The following PAX5 variants were observed in gnomAD, a reference collection of about 807,000 sequenced individuals.
The protein encoded by PAX5 is paired box 5.
Under a neutral mutation model 43.7 loss-of-function variants are expected in PAX5, and 9 were observed. The ratio of observed to expected loss-of-function variants is 0.21; its 90% CI spans 0.12 to 0.36. The LOEUF is 0.36. Among genes scored for constraint, PAX5 ranks in the 10% least tolerant of loss-of-function variants. PAX5 has a pLI of 1.00. For synonymous variants in PAX5, 228 were observed against 214.3 expected, an observed-to-expected ratio of 1.06 and a Z score of -0.56; for missense variants, 383 against 532.7, an observed-to-expected ratio of 0.72 and a Z score of 2.77.
chr9:37,026,620 G>T, intron 1 of PAX5: 1 of 1,351,530 alleles, frequency 7.4e-7, no homozygotes, highest in Non-Finnish European at 9.7e-7. Context: ...CCGCCTCCCG[G>T]CGCCAAGGGG....
At chr9:37,030,858 C>G (rs1391252932) in intron 1 of PAX5, among the ~76,000 whole-genome samples, 1 of 152,218 alleles carries the variant, frequency 6.6e-6, no homozygotes, top group Non-Finnish European at 1.5e-5. Context: ...CAGCCCATTT[C>G]CCTGTTCTTG....
intron 5 of PAX5, among the ~76,000 whole-genome samples, chr9:36,971,746 C>T (rs373019927): frequency 1.8e-4 from 27 of 152,290 alleles, no homozygotes; most frequent in African/African-American, 6.3e-4. Flanking sequence ...CAGGAAGCCC[C>T]GTCTCGGGGA....
chr9:36,846,419 T>C (rs78232477), intron 9 of PAX5, among the ~76,000 whole-genome samples: 3,657 of 152,296 alleles, frequency 0.024, 60 homozygotes, highest in Middle Eastern at 0.041. Context: ...AGGGTCTTTA[T>C]CAAGGTGGTC....
In PAX5 at chr9:36,876,027, G is replaced by A. The variant is rs769265316; in HGVS notation, c.1012+5977C>T. 5.1e-4 allele frequency among the ~76,000 whole-genome samples: 78 copies of A among 152,236 alleles called. 1 individual carries two copies. Among genetic ancestry groups the A allele is most frequent in the Non-Finnish European group, 1.6e-4 (11 of 68,042 alleles). On this transcript the variant is annotated intron_variant, in intron 8 of 9. Transcript: ENST00000358127. ...TGGTCACTGGGGAAGGCCTCTCTATGGAAGGGAAACCCAGATAGGTGAGAG... is the reference window on the plus strand; with the variant it reads ...TGGTCACTGGGGAAGGCCTCTCTATAGAAGGGAAACCCAGATAGGTGAGAG...
At chr9:37,028,226 G>A (rs1361681777) in intron 1 of PAX5, among the ~76,000 whole-genome samples, 1 of 152,260 alleles carries the variant, frequency 6.6e-6, no homozygotes, top group Non-Finnish European at 1.5e-5. Context: ...GTGCATATCT[G>A]CCAGTTCTGA....
intron 5 of PAX5, among the ~76,000 whole-genome samples, chr9:36,981,443 A>AAAAAAAAAAAAAAAAAAAAAAAAT (rs1835934749): frequency 6.7e-6 from 1 of 150,082 alleles, no homozygotes; most frequent in African/African-American, 2.4e-5. Flanking sequence ...GCAAAAAAAA[A>AAAAAAAAAAAAAAAAAAAAAAAAT]AAAACAAAAA....
intron 8 of PAX5, among the ~76,000 whole-genome samples, chr9:36,863,376 G>A (rs892620688): frequency 2.0e-5 from 3 of 152,150 alleles, no homozygotes; most frequent in Non-Finnish European, 1.5e-5. Flanking sequence ...CGAGCCTCCC[G>A]CCTCGGCCTC....
intron 5 of PAX5, among the ~76,000 whole-genome samples, chr9:36,971,590 T>A (rs1411692470): frequency 6.6e-6 from 1 of 152,176 alleles, no homozygotes; most frequent in Non-Finnish European, 1.5e-5. Flanking sequence ...CGGGCAAAAG[T>A]ACAAAGGTGT....
chr9:36,977,549 G>A (rs377414552), intron 5 of PAX5, among the ~76,000 whole-genome samples: 1 of 151,990 alleles, frequency 6.6e-6, no homozygotes, highest in Non-Finnish European at 1.5e-5. Context: ...GTTTTTGTGA[G>A]ATGGAGTCTC....
At chr9:36,937,758 C>T (rs1234118163) in intron 6 of PAX5, among the ~76,000 whole-genome samples, 1 of 152,222 alleles carries the variant, frequency 6.6e-6, no homozygotes. Context: ...GGTTTAGCCG[C>T]AGATGTTGTT....
Position 36,835,450 on chromosome 9 carries a change from T to C in PAX5, c.*5110A>G, listed in dbSNP as rs939911991. 1.7e-4 allele frequency: 40 copies of C among 231,124 alleles called. No homozygotes were observed. Among genetic ancestry groups the C allele is most frequent in the African/African-American group, 8.6e-4 (39 of 45,210 alleles). The allele number at this position is 231,124 out of a possible 1,614,324, so 14.3% of individuals were successfully genotyped here. On this transcript the variant is annotated 3_prime_UTR_variant, in exon 10 of 10. Coordinates refer to ENST00000358127, the MANE Select transcript of PAX5 (RefSeq NM_016734.3). Reference sequence around the variant, plus strand: ...GGCCTCTGCAGAGGCCCTTGGGACCTGGCGCCACACGAGGTGCAGCCGAGC... The same window carrying C: ...GGCCTCTGCAGAGGCCCTTGGGACCCGGCGCCACACGAGGTGCAGCCGAGC...
chr9:36,896,255 C>T lies in PAX5; in HGVS notation c.911-14150G>A, dbSNP rs1271507184. Among the ~76,000 whole-genome samples, 4 of 152,102 alleles carry T rather than the reference C, an allele frequency of 2.6e-5. No homozygotes were observed. The East Asian group carries it at 7.7e-4, about 29-fold the overall frequency. On this transcript the variant is annotated intron_variant, in intron 7 of 9. Transcript: ENST00000358127. The stretch of plus-strand genomic sequence containing the variant: ...CTGAGGCCCATCACGAATCCTAAAC[C>T]AGTGCCTCAGCTGGTCCAGGGGGCA...
intron 8 of PAX5, among the ~76,000 whole-genome samples, chr9:36,856,381 G>A (rs982247915): frequency 6.6e-6 from 1 of 152,236 alleles, no homozygotes; most frequent in Non-Finnish European, 1.5e-5. Flanking sequence ...TCCCATGAGT[G>A]AAAAGGGACA....
intron 8 of PAX5, among the ~76,000 whole-genome samples, chr9:36,868,437 C>T (rs887672545): frequency 1.2e-4 from 18 of 152,140 alleles, no homozygotes; most frequent in Non-Finnish European, 2.2e-4. Context: ...GGGCAGTGCC[C>T]GGGGGGTGCA....
intron 1 of PAX5, chr9:37,026,477 AC>A: frequency 1.5e-6 from 2 of 1,296,304 alleles, no homozygotes; most frequent in African/African-American, 3.0e-5. Flanking sequence ...ACGGTCCGGC[AC>A]CCCCAACCCG....
chr9:36,840,304 T>C lies in PAX5; in HGVS notation c.*256A>G. On this transcript the variant is annotated 3_prime_UTR_variant, in exon 10 of 10. Transcript: ENST00000358127. The stretch of plus-strand genomic sequence containing the variant: ...CTGCGGTTATTTGCAGGACAGTCTA[T>C]TGGTTTGCAGAGACCCAGTGGCCAT... 1 of 591,820 alleles carries C rather than the reference T, an allele frequency of 1.7e-6. No individual in the cohort carries two copies. The highest frequency in any genetic ancestry group is 3.0e-6 in the Non-Finnish European group (1 of 332,436). 36.7% of individuals were successfully genotyped at this position (591,820 alleles called of 1,614,324 possible). A position where few individuals can be genotyped will look rare whatever the true frequency, so the allele number is the denominator to read the frequency against.
chr9:36,964,351 G>A (rs1834231480), intron 6 of PAX5, among the ~76,000 whole-genome samples: 1 of 152,032 alleles, frequency 6.6e-6, no homozygotes, highest in Non-Finnish European at 1.5e-5. Flanking sequence ...CACTTTGGGA[G>A]GCCAAGGAGG....
chr9:36,852,082 T>C (rs1179495592), intron 8 of PAX5, among the ~76,000 whole-genome samples: 1 of 152,214 alleles, frequency 6.6e-6, no homozygotes, highest in Non-Finnish European at 1.5e-5. Flanking sequence ...CCCTACTTGT[T>C]AAGCTTATGG....
chr9:36,868,892 C>A (rs909213935), intron 8 of PAX5, among the ~76,000 whole-genome samples: 2 of 152,102 alleles, frequency 1.3e-5, no homozygotes, highest in Non-Finnish European at 2.9e-5. Context: ...GCAACTGGGG[C>A]TAACAGCTGT....
Sources: allele counts gnomAD v4.1 joint callset (sites outside exome capture counted in the v4.1 genomes callset), GRCh38; gene constraint gnomAD v4.1.1; transcripts MANE v1.5; gene names NCBI Gene and HGNC (gene_info 2026-07-23, HGNC 2026-07-21).